The following TENM2 variants were observed in gnomAD, a reference collection of about 807,000 sequenced individuals.
TENM2 encodes teneurin transmembrane protein 2.
In TENM2, 52 loss-of-function variants were observed where a neutral mutation model predicts 245.2. The ratio of observed to expected loss-of-function variants is 0.21; its 90% CI spans 0.17 to 0.27. The LOEUF (loss-of-function observed/expected upper bound fraction) is 0.27, where lower values mean the gene tolerates loss of function less well. Among genes scored for constraint, TENM2 ranks in the 10% least tolerant of loss-of-function variants. The probability of loss-of-function intolerance (pLI) is 1.00; values close to 1 mark genes in which losing one functional copy is unlikely to be tolerated. For synonymous variants in TENM2, 1,363 were observed against 1,438.9 expected, an observed-to-expected ratio of 0.95 and a Z score of 1.19; for missense variants, 3,046 against 3,666.8, an observed-to-expected ratio of 0.83 and a Z score of 4.37.
chr5:168,220,461 G>T (rs547444996), intron 23 of TENM2, among the ~76,000 whole-genome samples: 1 of 152,160 alleles, frequency 6.6e-6, no homozygotes, highest in Non-Finnish European at 1.5e-5. Context: ...GGCATGACTC[G>T]TAATTGTGTT....
At chr5:167,358,075 A>T (rs1470914146) in intron 1 of TENM2, among the ~76,000 whole-genome samples, 1 of 152,152 alleles carries the variant, frequency 6.6e-6, no homozygotes, top group African/African-American at 2.4e-5. Context: ...CCATTCTTTG[A>T]TTCCTTCTCG....
At chr5:167,102,537 C>A in the TENM2 span, among the ~76,000 whole-genome samples, 1 of 152,208 alleles carries the variant, frequency 6.6e-6, no homozygotes, top group Non-Finnish European at 1.5e-5. Flanking sequence ...TCTCACTCAA[C>A]TACGTGGATG....
At chr5:167,873,053 T>TA (rs1294325713) in intron 2 of TENM2, among the ~76,000 whole-genome samples, 1 of 152,218 alleles carries the variant, frequency 6.6e-6, no homozygotes, top group Non-Finnish European at 1.5e-5. Context: ...GATTGTGAGT[T>TA]AAAATCTGTT....
intron 2 of TENM2, among the ~76,000 whole-genome samples, chr5:167,705,657 C>T (rs1281656151): frequency 6.6e-6 from 1 of 152,042 alleles, no homozygotes; most frequent in African/African-American, 2.4e-5. Flanking sequence ...CAAGTGCTCC[C>T]TCTGCTCCAA....
chr5:167,008,121 G>C, the TENM2 span, among the ~76,000 whole-genome samples: 1 of 152,146 alleles, frequency 6.6e-6, no homozygotes, highest in East Asian at 1.9e-4. Context: ...CTCAGGGTCT[G>C]TTTCTGGGGA....
the TENM2 span, among the ~76,000 whole-genome samples, chr5:167,006,206 G>A: frequency 4.6e-5 from 7 of 152,082 alleles, no homozygotes; most frequent in South Asian, 1.4e-3. Context: ...TACACTTAAT[G>A]TGATTTTTGC....
chr5:167,138,752 AG>A, the TENM2 span, among the ~76,000 whole-genome samples: 1 of 152,190 alleles, frequency 6.6e-6, no homozygotes. Flanking sequence ...CCTCCCAAGT[AG>A]CTGGGATTAC....
At chr5:167,258,703 A>G in the TENM2 span, among the ~76,000 whole-genome samples, 1 of 152,272 alleles carries the variant, frequency 6.6e-6, no homozygotes, top group East Asian at 1.9e-4. Context: ...ACAAGCAAAG[A>G]AGAAACTTGT....
chr5:167,783,467 A>G (rs2973662), intron 2 of TENM2, among the ~76,000 whole-genome samples: 150,091 of 152,258 alleles, frequency 0.99, 74,002 homozygotes, highest in Middle Eastern at 1. Flanking sequence ...TCTGAACCCC[A>G]GTTTAACAAG....
At chr5:168,254,356 C>G (rs1767440850) in intron 27 of TENM2, among the ~76,000 whole-genome samples, 3 of 152,084 alleles carry the variant, frequency 2.0e-5, no homozygotes, top group African/African-American at 7.2e-5. Flanking sequence ...GGAGCGGAGT[C>G]ACTAGAATAA....
chr5:167,992,384 T>G lies in TENM2; in HGVS notation c.948-560T>G, dbSNP rs115990200. ...TTTGTAAATAGTTGTGACAATACAT[T>G]TCAAGTACCTTTCAATAGTAGGTAT... On this transcript the variant is annotated intron_variant, in intron 4 of 28. Transcript: ENST00000518659. Among the ~76,000 whole-genome samples the G allele has an allele frequency of 3.7e-3, 557 of 152,304 alleles. 4 individuals are homozygous for G. The highest frequency in any genetic ancestry group is 0.013 in the African/African-American group (528 of 41,558).
At chr5:167,873,861 A>G (rs577273391) in intron 2 of TENM2, among the ~76,000 whole-genome samples, 14 of 152,270 alleles carry the variant, frequency 9.2e-5, no homozygotes, top group African/African-American at 3.4e-4. Context: ...GTCAAACTCC[A>G]TTTATCAACT....
At chr5:167,651,934 T>A (rs1224955390) in intron 2 of TENM2, among the ~76,000 whole-genome samples, 1 of 152,194 alleles carries the variant, frequency 6.6e-6, no homozygotes. Context: ...GAGCACAGAA[T>A]GCAGATGGCA....
the TENM2 span, among the ~76,000 whole-genome samples, chr5:167,202,264 C>T: frequency 1.3e-5 from 2 of 152,246 alleles, no homozygotes; most frequent in South Asian, 2.1e-4. Context: ...TCTCCAGCAT[C>T]TCCTGCTGCA....
intron 1 of TENM2, among the ~76,000 whole-genome samples, chr5:167,353,738 A>G (rs1024553199): frequency 6.6e-6 from 1 of 150,838 alleles, no homozygotes; most frequent in African/African-American, 2.4e-5. Flanking sequence ...CGATCTCCTG[A>G]CCTCGTGATC....
chr5:167,934,032 C>G (rs536199157), intron 3 of TENM2, among the ~76,000 whole-genome samples: 1 of 152,014 alleles, frequency 6.6e-6, no homozygotes. Flanking sequence ...ATGAATATGG[C>G]GAAGACATCT....
chr5:167,575,092 A>G (rs1384984951), intron 2 of TENM2, among the ~76,000 whole-genome samples: 1 of 148,648 alleles, frequency 6.7e-6, no homozygotes, highest in Non-Finnish European at 1.5e-5. Flanking sequence ...TGTATTGCTG[A>G]CATGAAAAAA....
the TENM2 span, among the ~76,000 whole-genome samples, chr5:167,151,869 C>T: frequency 6.6e-6 from 1 of 152,150 alleles, no homozygotes; most frequent in African/African-American, 2.4e-5. Context: ...TGCAGTTTTC[C>T]ATGCTGTGGG....
At position 167,747,085 on chromosome 5, in the gene TENM2, C is replaced by T. The variant is rs138151020; in HGVS notation, c.503-128901C>T. On this transcript the variant is annotated intron_variant, in intron 2 of 28. Transcript: ENST00000518659. ...GAAGAAATAGAGTATGTCAAGGGAA[C>T]ATTTGCATTTACACATGTGTCAGGA... Among the ~76,000 whole-genome samples the T allele has an allele frequency of 5.9e-5, 9 of 152,176 alleles. No homozygotes were observed. The East Asian group carries it at 1.7e-3, about 29-fold the overall frequency.
Sources: allele counts gnomAD v4.1 joint callset (sites outside exome capture counted in the v4.1 genomes callset), GRCh38; gene constraint gnomAD v4.1.1; transcripts MANE v1.5; gene names NCBI Gene and HGNC (gene_info 2026-07-23, HGNC 2026-07-21).